The following CRACR2A variants were observed in gnomAD, a reference collection of about 807,000 sequenced individuals.
CRACR2A encodes EF-hand calcium-binding domain-containing protein 4B.
In CRACR2A, 79 loss-of-function variants were observed where a neutral mutation model predicts 90.5. The ratio of observed to expected loss-of-function variants is 0.87; its 90% confidence interval spans 0.73 to 1.05. CRACR2A has a LOEUF of 1.05. Ranked by LOEUF, CRACR2A falls within the 50% of genes least tolerant of loss-of-function variation. The pLI, the probability that CRACR2A is intolerant of heterozygous loss-of-function variation, is 0.00. For missense variants in CRACR2A, 823 were observed against 897.2 expected (o/e 0.92, Z 1.06); for synonymous variants, 338 against 356.7 (o/e 0.95, Z 0.59).
At chr12:3,682,775 T>G (rs1591684087) in intron 4 of CRACR2A, among the ~76,000 whole-genome samples, 1 of 150,284 alleles carries the variant, frequency 6.7e-6, no homozygotes, top group Middle Eastern at 3.4e-3. Flanking sequence ...TTACATTATT[T>G]TTATTATTTT....
At chr12:3,723,249 G>C (rs1285078436) in intron 2 of CRACR2A, among the ~76,000 whole-genome samples, 1 of 152,086 alleles carries the variant, frequency 6.6e-6, no homozygotes, top group Non-Finnish European at 1.5e-5. Flanking sequence ...CCCTTTCTCT[G>C]GGTTGGAGCT....
chr12:3,697,531 C>A (rs2137706813), intron 3 of CRACR2A, among the ~76,000 whole-genome samples: 1 of 152,278 alleles, frequency 6.6e-6, no homozygotes, highest in African/African-American at 2.4e-5. Flanking sequence ...TATCACACAG[C>A]AAATTACTAC....
Position 3,654,344 on chromosome 12 carries a change from T to C in CRACR2A, c.914A>G (p.Asn305Ser). 6.2e-7 allele frequency: 1 copy of C among 1,613,926 alleles called. No homozygotes were observed. Among genetic ancestry groups the C allele is most frequent in the Non-Finnish European group, 8.5e-7 (1 of 1,179,918 alleles). The change falls in exon 10 of 20, where the codon AAT becomes AGT. Residue 305 changes from asparagine to serine, a missense_variant. Coordinates refer to ENST00000440314, the MANE Select transcript of CRACR2A (RefSeq NM_001144958.2). The part of the protein sequence containing the change: ...HHDKHETKAE[N>S]TKLKLTNQEL... The stretch of plus-strand genomic sequence containing the variant: ...CTGGTTAGTGAGTTTCAGCTTGGTA[T>C]TCTCAGCCTTGGTCTCATGCTTGTC...
intron 17 of CRACR2A, among the ~76,000 whole-genome samples, chr12:3,619,635 C>T (rs1867776964): frequency 6.6e-6 from 1 of 152,194 alleles, no homozygotes; most frequent in Admixed American, 6.5e-5. Context: ...TCCCCCTTCA[C>T]GATGCTCCTT....
chr12:3,621,651 A>AAAAAAAAAAAAAAAAAAAAC (rs1944138772), intron 17 of CRACR2A, among the ~76,000 whole-genome samples: 2 of 79,814 alleles, frequency 2.5e-5, no homozygotes, highest in African/African-American at 6.0e-5. Context: ...ACTCTGTCAA[A>AAAAAAAAAAAAAAAAAAAAC]AAAAAAAAAA....
At chr12:3,720,443 G>GAAAGAAAGAA (rs1555119096) in intron 2 of CRACR2A, among the ~76,000 whole-genome samples, 3 of 128,896 alleles carry the variant, frequency 2.3e-5, no homozygotes, top group Non-Finnish European at 5.3e-5. Flanking sequence ...AAGAAAGAAA[G>GAAAGAAAGAA]AAAGAAAGAA....
intron 14 of CRACR2A, among the ~76,000 whole-genome samples, chr12:3,635,731 C>T (rs1944443949): frequency 6.6e-6 from 1 of 152,152 alleles, no homozygotes; most frequent in African/African-American, 2.4e-5. Flanking sequence ...GTCTTGAACT[C>T]CTGGCCTCAA....
At chr12:3,685,717 A>G (rs1261704006) in intron 4 of CRACR2A, among the ~76,000 whole-genome samples, 1 of 152,216 alleles carries the variant, frequency 6.6e-6, no homozygotes, top group Non-Finnish European at 1.5e-5. Context: ...GCTGGTTGCC[A>G]GGGGCTGGGA....
intron 13 of CRACR2A, chr12:3,640,539 C>T: frequency 8.0e-7 from 1 of 1,245,578 alleles, no homozygotes; most frequent in Non-Finnish European, 1.0e-6. Flanking sequence ...CCATTCCATT[C>T]TGAGGAACCA....
In CRACR2A at chr12:3,701,274, C is replaced by T. The variant is rs180881479; in HGVS notation, c.-36-4239G>A. On this transcript the variant is annotated intron_variant, in intron 3 of 19. Coordinates refer to ENST00000440314, the MANE Select transcript of CRACR2A (RefSeq NM_001144958.2). ...CTTGGAAAGAAGAAAGGGCTCAAAT[C>T]AATGACCTCAGATTTTACCTTGAGA... 4.2e-3 allele frequency among the ~76,000 whole-genome samples: 637 copies of T among 151,670 alleles called. 7 individuals carry two copies. The highest frequency in any genetic ancestry group is 0.015 in the African/African-American group (608 of 41,434).
chr12:3,706,175 C>G (rs1043319113), intron 3 of CRACR2A, among the ~76,000 whole-genome samples: 2 of 152,208 alleles, frequency 1.3e-5, no homozygotes, highest in African/African-American at 4.8e-5. Context: ...GTTCTTCATG[C>G]CTGTGCCTCT....
At chr12:3,688,727 G>A (rs887639207) in intron 4 of CRACR2A, among the ~76,000 whole-genome samples, 5 of 152,182 alleles carry the variant, frequency 3.3e-5, no homozygotes, top group Non-Finnish European at 7.4e-5. Context: ...TGTGAATAAT[G>A]TCCTTGGTAG....
intron 2 of CRACR2A, chr12:3,730,400 G>A (rs1946343697): frequency 6.6e-6 from 1 of 152,182 alleles, no homozygotes; most frequent in Non-Finnish European, 1.5e-5. Flanking sequence ...CCAACCAGTT[G>A]TCCACATACT....
chr12:3,652,470 T>C (rs1944811026), intron 10 of CRACR2A, among the ~76,000 whole-genome samples: 1 of 152,198 alleles, frequency 6.6e-6, no homozygotes, highest in Non-Finnish European at 1.5e-5. Flanking sequence ...TTGCTTTTTT[T>C]TTAACTAGGG....
At chr12:3,736,819 G>A (rs887321368) in intron 1 of CRACR2A, among the ~76,000 whole-genome samples, 6 of 152,168 alleles carry the variant, frequency 3.9e-5, no homozygotes, top group South Asian at 2.1e-4. Context: ...TTGTAGACAC[G>A]TCAGACATTC....
intron 11 of CRACR2A, among the ~76,000 whole-genome samples, chr12:3,645,814 T>A (rs1166265135): frequency 6.6e-6 from 1 of 152,132 alleles, no homozygotes; most frequent in African/African-American, 2.4e-5. Context: ...GCAAAGCAAG[T>A]AGCTGGGTGG....
intron 12 of CRACR2A, among the ~76,000 whole-genome samples, chr12:3,642,468 C>G (rs1406099969): frequency 1.3e-5 from 2 of 152,162 alleles, no homozygotes; most frequent in African/African-American, 4.8e-5. Context: ...TCCTGTCTCA[C>G]TCTCCCAAAG....
chr12:3,723,989 C>T (rs1283639304), intron 2 of CRACR2A, among the ~76,000 whole-genome samples: 7 of 152,072 alleles, frequency 4.6e-5, no homozygotes, highest in Non-Finnish European at 7.4e-5. Flanking sequence ...CAATGGGTAA[C>T]GTCAAATCCC....
chr12:3,641,028 C>A (rs1166057828), intron 13 of CRACR2A, among the ~76,000 whole-genome samples: 1 of 152,130 alleles, frequency 6.6e-6, no homozygotes, highest in Non-Finnish European at 1.5e-5. Context: ...ACCTTCATAG[C>A]CAATATAGTC....
Sources: allele counts gnomAD v4.1 joint callset (sites outside exome capture counted in the v4.1 genomes callset), GRCh38; gene constraint gnomAD v4.1.1; transcripts MANE v1.5; gene names NCBI Gene and HGNC (gene_info 2026-07-23, HGNC 2026-07-21).